Variants in SPAG1 observed in about 807,000 individuals in gnomAD.
SPAG1 encodes the protein sperm associated antigen 1, also known as sperm-associated antigen 1.
A neutral mutation model predicts 100.5 loss-of-function variants in SPAG1; 69 were observed. The ratio of observed to expected loss-of-function variants is 0.69; its 90% CI spans 0.57 to 0.84. SPAG1 has a LOEUF of 0.84. Among genes scored for constraint, SPAG1 ranks in the 40% least tolerant of loss-of-function variants. The pLI, the probability that SPAG1 is intolerant of heterozygous loss-of-function variation, is 0.00. For synonymous variants in SPAG1, 336 were observed against 411.6 expected (o/e 0.82, Z 2.22); for missense variants, 955 against 1,133.1 (o/e 0.84, Z 2.26).
At chr8:100,180,590 A>G (rs1426413337) in intron 4 of SPAG1, among the ~76,000 whole-genome samples, 1 of 152,210 alleles carries the variant, frequency 6.6e-6, no homozygotes, top group East Asian at 1.9e-4. Flanking sequence ...ATGGCAGAAC[A>G]GCTGGTTTTT....
At chr8:100,176,838 C>CCTCTCCTCTCCT (rs1315974795) in intron 3 of SPAG1, among the ~76,000 whole-genome samples, 3 of 137,378 alleles carry the variant, frequency 2.2e-5, no homozygotes, top group South Asian at 2.6e-4. Flanking sequence ...CCTCTCCTCT[C>CCTCTCCTCTCCT]CTCTTCTCTC....
chr8:100,216,998 G>A (rs1458056903), intron 12 of SPAG1, among the ~76,000 whole-genome samples: 1 of 135,192 alleles, frequency 7.4e-6, no homozygotes, highest in Non-Finnish European at 1.5e-5. Flanking sequence ...GTGCAGTGGC[G>A]CAATCTCAGC....
chr8:100,231,822 C>T lies in SPAG1; in HGVS notation c.1988+534C>T, dbSNP rs147292167. 3.4e-3 allele frequency among the ~76,000 whole-genome samples: 513 copies of T among 152,170 alleles called. 2 individuals carry two copies. The highest frequency in any genetic ancestry group is 0.011 in the African/African-American group (475 of 41,518). On this transcript the variant is annotated intron_variant, in intron 15 of 18. Transcript: ENST00000388798. ...AAAATACAAAAAAAAATTAGCCAGG[C>T]GCAGCGGCAGGCACCTGTAGTCCCA...
chr8:100,196,686 TAGA>T (rs1363303714), intron 10 of SPAG1, among the ~76,000 whole-genome samples: 5 of 152,174 alleles, frequency 3.3e-5, no homozygotes. Context: ...TTTCATTTTG[TAGA>T]AGTACAATTT....
At chr8:100,170,560 A>G (rs930048325) in intron 3 of SPAG1, among the ~76,000 whole-genome samples, 2 of 152,098 alleles carry the variant, frequency 1.3e-5, no homozygotes, top group Non-Finnish European at 2.9e-5. Flanking sequence ...TCCCCTAGCA[A>G]CCACCATTCT....
At chr8:100,171,259 AT>A (rs1435645639) in intron 3 of SPAG1, among the ~76,000 whole-genome samples, 2 of 152,032 alleles carry the variant, frequency 1.3e-5, no homozygotes, top group Non-Finnish European at 2.9e-5. Context: ...TTTGCGAAGG[AT>A]TTTTGTGTCT....
chr8:100,206,625 G>A (rs1014186850), intron 10 of SPAG1, among the ~76,000 whole-genome samples: 2 of 151,774 alleles, frequency 1.3e-5, no homozygotes, highest in East Asian at 1.9e-4. Flanking sequence ...GGGGCCTGTC[G>A]AGATATTCCT....
Position 100,162,417 on chromosome 8 carries a change from T to C in SPAG1, c.137T>C (p.Leu46Pro), listed in dbSNP as rs1394353840. Reference sequence around the variant, plus strand: ...CATCTGGAAAAAATTCTTTGCGTGCTCAGGTAAGCATTTTAAAATCATTAC... The same window carrying C: ...CATCTGGAAAAAATTCTTTGCGTGCCCAGGTAAGCATTTTAAAATCATTAC... Reference protein sequence around the residue: ...VKHLEKILCVLRSGEEGYYPE... With the variant: ...VKHLEKILCVPRSGEEGYYPE... Residue 46 changes from leucine (L) to proline (P), a missense_variant, in exon 2 of 19, where the codon CTC (leucine) becomes CCC (proline). Leu to Pro is a moderately conservative substitution (Grantham distance 98). Transcript: ENST00000388798. 5 of 1,576,388 alleles carry C rather than the reference T, an allele frequency of 3.2e-6. No homozygotes were observed. The highest frequency in any genetic ancestry group is 4.3e-6 in the Non-Finnish European group (5 of 1,166,308).
intron 15 of SPAG1, 54 bp from the exon 16 acceptor site, chr8:100,233,347 TCTAAAACTTA>T: frequency 1.9e-6 from 3 of 1,583,442 alleles, no homozygotes; most frequent in Non-Finnish European, 2.6e-6. Context: ...TTCTTAGCTG[TCTAAAACTTA>T]CAGATAGCCA....
At chr8:100,188,633 C>T (rs1313987615) in intron 8 of SPAG1, among the ~76,000 whole-genome samples, 4 of 152,210 alleles carry the variant, frequency 2.6e-5, no homozygotes, top group Admixed American at 6.5e-5. Context: ...AGACTCTATT[C>T]TCCTTTTCTG....
intron 3 of SPAG1, among the ~76,000 whole-genome samples, chr8:100,171,864 C>T (rs1815867515): frequency 6.6e-6 from 1 of 152,166 alleles, no homozygotes; most frequent in African/African-American, 2.4e-5. Flanking sequence ...GTTCCTGACT[C>T]CGTCAGGCCA....
At chr8:100,172,340 G>T (rs1815896835) in intron 3 of SPAG1, among the ~76,000 whole-genome samples, 1 of 152,062 alleles carries the variant, frequency 6.6e-6, no homozygotes, top group African/African-American at 2.4e-5. Context: ...TTTTTGGGCT[G>T]GGCACGAGTG....
At chr8:100,185,395 C>G (rs1034438451) in intron 7 of SPAG1, among the ~76,000 whole-genome samples, 8 of 152,280 alleles carry the variant, frequency 5.3e-5, no homozygotes, top group Admixed American at 1.3e-4. Flanking sequence ...TCACCCCACC[C>G]ACCTCACCTC....
intron 14 of SPAG1, 98 bp downstream of exon 14, chr8:100,225,437 C>T: frequency 9.0e-7 from 1 of 1,116,960 alleles, no homozygotes; most frequent in Non-Finnish European, 1.3e-6. Context: ...ATTCTAGAAT[C>T]AGACCTAGGT....
At chr8:100,233,055 C>T (rs1254690060) in intron 15 of SPAG1, 4 of 267,464 alleles carry the variant, frequency 1.5e-5, no homozygotes, top group Non-Finnish European at 2.9e-5. Context: ...ACTTAAATGT[C>T]ACTTCTTCCA....
intron 10 of SPAG1, among the ~76,000 whole-genome samples, chr8:100,201,305 G>T (rs1156616367): frequency 6.6e-6 from 1 of 151,524 alleles, no homozygotes; most frequent in African/African-American, 2.4e-5. Context: ...TTTATTTTTT[G>T]TAGAGACAGG....
At chr8:100,210,922 G>A (rs1817693848) in intron 10 of SPAG1, among the ~76,000 whole-genome samples, 1 of 151,826 alleles carries the variant, frequency 6.6e-6, no homozygotes, top group South Asian at 2.1e-4. Context: ...CCACCTCCCG[G>A]GGTCCAAATG....
intron 3 of SPAG1, among the ~76,000 whole-genome samples, chr8:100,168,126 G>C (rs1291484581): frequency 2.0e-5 from 3 of 152,044 alleles, no homozygotes; most frequent in African/African-American, 7.2e-5. Flanking sequence ...ACTATGTTTT[G>C]ACTGCCAAAA....
intron 3 of SPAG1, among the ~76,000 whole-genome samples, chr8:100,168,696 T>G (rs144979209): frequency 0.036 from 4,563 of 126,990 alleles, 297 homozygotes; most frequent in Admixed American, 0.059. Flanking sequence ...TCTTTTTTTT[T>G]TTGTTGTTGA....
Sources: allele counts gnomAD v4.1 joint callset (sites outside exome capture counted in the v4.1 genomes callset), GRCh38; gene constraint gnomAD v4.1.1; transcripts MANE v1.5; gene names NCBI Gene and HGNC (gene_info 2026-07-23, HGNC 2026-07-21).